FAR2: variants seen among roughly 807,000 people sequenced by gnomAD.
FAR2 encodes fatty acyl-CoA reductase 2.
A neutral mutation model predicts 56.0 loss-of-function variants in FAR2; 19 were observed. That is an observed-to-expected ratio of 0.34 (90% confidence interval 0.24 to 0.50). The LOEUF is 0.50. Ranked by LOEUF, FAR2 falls within the 20% of genes least tolerant of loss-of-function variation. The pLI, the probability that FAR2 is intolerant of heterozygous loss-of-function variation, is 0.98. For synonymous variants in FAR2, 219 were observed against 218.8 expected, an observed-to-expected ratio of 1.00 and a Z score of -0.01; for missense variants, 508 against 642.2, an observed-to-expected ratio of 0.79 and a Z score of 2.26.
At chr12:29,254,047 C>G (rs946276843) in intron 1 of FAR2, among the ~76,000 whole-genome samples, 1 of 152,022 alleles carries the variant, frequency 6.6e-6, no homozygotes, top group Non-Finnish European at 1.5e-5. Flanking sequence ...TTCTTAAGAC[C>G]AGCTTTGACT....
At chr12:29,326,368 T>C (rs1476279533) in intron 10 of FAR2, among the ~76,000 whole-genome samples, 103 of 152,208 alleles carry the variant, frequency 6.8e-4, no homozygotes, top group Middle Eastern at 3.4e-3. Flanking sequence ...TTCCAATCAA[T>C]AGAAAAAGAG....
intron 10 of FAR2, among the ~76,000 whole-genome samples, chr12:29,328,351 TC>T (rs1187784139): frequency 6.6e-6 from 1 of 152,208 alleles, no homozygotes; most frequent in African/African-American, 2.4e-5. Context: ...GTGTGGCGAT[TC>T]CTCAGGGATC....
chr12:29,248,738 T>C (rs934604111), intron 1 of FAR2, among the ~76,000 whole-genome samples: 2 of 152,160 alleles, frequency 1.3e-5, no homozygotes, highest in Non-Finnish European at 2.9e-5. Context: ...ATTTCACCCC[T>C]GCAGTCTCGA....
chr12:29,165,786 A>G (rs1048835753), intron 1 of FAR2, among the ~76,000 whole-genome samples: 31 of 152,236 alleles, frequency 2.0e-4, no homozygotes, highest in African/African-American at 7.5e-4. Context: ...TGTTGAGGTT[A>G]GAGTTTCCTT....
At chr12:29,286,248 G>T (rs546792167) in intron 2 of FAR2, among the ~76,000 whole-genome samples, 2 of 152,116 alleles carry the variant, frequency 1.3e-5, no homozygotes, top group African/African-American at 4.8e-5. Context: ...AGAAATCTCT[G>T]CAGTATGCCT....
At chr12:29,299,580 A>C (rs77072213) in intron 4 of FAR2, among the ~76,000 whole-genome samples, 10 of 152,372 alleles carry the variant, frequency 6.6e-5, no homozygotes, top group African/African-American at 2.2e-4. Flanking sequence ...GAATGAAATT[A>C]TTTTATCTCA....
chr12:29,178,395 A>G (rs908417054), intron 1 of FAR2, among the ~76,000 whole-genome samples: 1 of 152,152 alleles, frequency 6.6e-6, no homozygotes, highest in African/African-American at 2.4e-5. Context: ...GGAGTTGGAG[A>G]CTAGCCTGGG....
chr12:29,328,832 T>C (rs1949687886), intron 10 of FAR2, among the ~76,000 whole-genome samples: 3 of 151,840 alleles, frequency 2.0e-5, no homozygotes, highest in Non-Finnish European at 2.9e-5. Context: ...ACATGGCACA[T>C]GTATACATAT....
Position 29,225,709 on chromosome 12 carries a change from G to A in FAR2, c.-38-44703G>A, listed in dbSNP as rs142764463. 1.4e-3 allele frequency among the ~76,000 whole-genome samples: 219 copies of A among 152,272 alleles called. 2 individuals are homozygous for A. The highest frequency in any genetic ancestry group is 4.8e-3 in the African/African-American group (201 of 41,570). ...GGAAATTCCAAAATAAACAAGCAGC[G>A]AAGGTAAATGAAGAGAATGATTTTC... On this transcript the variant is annotated intron_variant, in intron 1 of 11. Transcript: ENST00000536681.
intron 1 of FAR2, chr12:29,151,928 T>C (rs1949684308): frequency 6.6e-6 from 1 of 152,250 alleles, no homozygotes; most frequent in Admixed American, 6.5e-5. Flanking sequence ...TGTTGAAGGG[T>C]TAAACTTTGC....
intron 1 of FAR2, among the ~76,000 whole-genome samples, chr12:29,264,360 G>A (rs889256475): frequency 6.6e-6 from 1 of 152,100 alleles, no homozygotes; most frequent in South Asian, 2.1e-4. Context: ...CCCACAGCTA[G>A]TATCATACTG....
chr12:29,149,690 G>A (rs943093328), intron 1 of FAR2, among the ~76,000 whole-genome samples: 1 of 152,220 alleles, frequency 6.6e-6, no homozygotes, highest in African/African-American at 2.4e-5. Flanking sequence ...CGCGGGGGTT[G>A]CAAAGGGCAG....
At chr12:29,197,659 TTTAA>T (rs1474492391) in intron 1 of FAR2, among the ~76,000 whole-genome samples, 1 of 152,170 alleles carries the variant, frequency 6.6e-6, no homozygotes, top group Non-Finnish European at 1.5e-5. Flanking sequence ...TAACAAAAAG[TTTAA>T]TTAATATATT....
At chr12:29,277,030 T>C (rs1007414835) in intron 2 of FAR2, among the ~76,000 whole-genome samples, 2 of 152,242 alleles carry the variant, frequency 1.3e-5, no homozygotes, top group Non-Finnish European at 2.9e-5. Context: ...GCTGCTAGAG[T>C]GCAGTGGCTC....
rs117145946 is a variant in FAR2, at chr12:29,264,421, A to G, written c.-38-5991A>G. ...CTCTAAGATCTGGAACACAACAAGGATGACCACTGTCACCAATGTTATTCA... is the reference window on the plus strand; with the variant it reads ...CTCTAAGATCTGGAACACAACAAGGGTGACCACTGTCACCAATGTTATTCA... On this transcript the variant is annotated intron_variant, in intron 1 of 11. Transcript: ENST00000536681. Among the ~76,000 whole-genome samples, 710 of 152,228 alleles carry G rather than the reference A, an allele frequency of 4.7e-3. 26 individuals are homozygous for G. In the East Asian group the frequency reaches 0.071, roughly 15 times the overall value.
intron 9 of FAR2, among the ~76,000 whole-genome samples, chr12:29,320,917 T>C (rs2136810781): frequency 6.6e-6 from 1 of 152,268 alleles, no homozygotes; most frequent in East Asian, 1.9e-4. Flanking sequence ...TTTTTTGAGG[T>C]CAGTTAAAAC....
Position 29,270,497 on chromosome 12 carries a change from G to A in FAR2, c.48G>A (p.Thr16=), listed in dbSNP as rs149661674. The A allele has an allele frequency of 3.9e-5, 63 of 1,610,300 alleles. No homozygotes were observed. Among genetic ancestry groups the A allele is most frequent in the African/African-American group, 3.6e-4 (27 of 74,798 alleles). The change falls in exon 2 of 12, where the codon ACG becomes ACA. Residue 16 remains threonine, a synonymous_variant. Coordinates refer to ENST00000536681, the MANE Select transcript of FAR2 (RefSeq NM_001271783.2). The part of the protein sequence containing the change: ...AFYGGKSILI[T]GATGFLGKVL... ...ATGGCGGCAAGTCCATTCTCATCAC[G>A]GGGGCCACAGGCTTTCTGGGCAAAG...
In FAR2 at chr12:29,223,068, T is replaced by C. The variant is rs1947715744; in HGVS notation, c.-38-47344T>C. Among the ~76,000 whole-genome samples the C allele has an allele frequency of 3.9e-5, 6 of 152,160 alleles. 1 individual carries two copies. The South Asian group carries it at 1.2e-3, about 32-fold the overall frequency. ...GTACTGTCCTGAATCATTTGCATGG[T>C]TTAATCTCTTAGTCCTCCCAACAGT... On this transcript the variant is annotated intron_variant, in intron 1 of 11. Coordinates refer to ENST00000536681, the MANE Select transcript of FAR2 (RefSeq NM_001271783.2).
intron 1 of FAR2, among the ~76,000 whole-genome samples, chr12:29,214,684 G>C (rs556925700): frequency 2.6e-5 from 4 of 152,086 alleles, no homozygotes; most frequent in Non-Finnish European, 1.5e-5. Flanking sequence ...AGCTAGGCGT[G>C]GGGGTGGGTG....
Sources: gnomAD v4.1 joint callset for allele counts (sites outside exome capture counted in the v4.1 genomes callset) on GRCh38, gnomAD v4.1.1 for gene constraint, MANE v1.5 for transcripts, NCBI Gene and HGNC (gene_info 2026-07-23, HGNC 2026-07-21) for gene names.